The following CACNB2 variants were observed in gnomAD, a reference collection of about 807,000 sequenced individuals.
The protein encoded by CACNB2 is calcium voltage-gated channel auxiliary subunit beta 2.
A neutral mutation model predicts 73.3 loss-of-function variants in CACNB2; 42 were observed. That is an observed-to-expected ratio of 0.57 (90% CI 0.45 to 0.74). The LOEUF is 0.74. Ranked by LOEUF, CACNB2 falls within the 30% of genes least tolerant of loss-of-function variation. The probability of loss-of-function intolerance (pLI) is 0.00; values close to 1 mark genes in which losing one functional copy is unlikely to be tolerated. For missense variants in CACNB2, 940 were observed against 853.0 expected, an observed-to-expected ratio of 1.10 and a Z score of -1.27; for synonymous variants, 348 against 310.3, an observed-to-expected ratio of 1.12 and a Z score of -1.28.
At chr10:18,471,507 A>G (rs1432557796) in intron 3 of CACNB2, among the ~76,000 whole-genome samples, 1 of 152,198 alleles carries the variant, frequency 6.6e-6, no homozygotes, top group Non-Finnish European at 1.5e-5. Flanking sequence ...ATAGGAAGCT[A>G]TTATCCTGCA....
At chr10:18,468,966 A>G (rs182450525) in intron 3 of CACNB2, among the ~76,000 whole-genome samples, 217 of 152,348 alleles carry the variant, frequency 1.4e-3, no homozygotes, top group African/African-American at 5.0e-3. Context: ...AAATGTTTGC[A>G]GATAACTGGC....
At chr10:18,276,258 G>C (rs774272867) in intron 2 of CACNB2, among the ~76,000 whole-genome samples, 2 of 152,160 alleles carry the variant, frequency 1.3e-5, no homozygotes, top group Non-Finnish European at 2.9e-5. Context: ...TGGATGATCA[G>C]GCCAATCTTA....
chr10:18,400,824 G>T, intron 2 of CACNB2: 1 of 1,447,096 alleles, frequency 6.9e-7, no homozygotes, highest in Non-Finnish European at 9.0e-7. Flanking sequence ...TGTGTTTTCA[G>T]CCCCTCCTGG....
At chr10:18,419,056 T>C (rs1437587381) in intron 3 of CACNB2, among the ~76,000 whole-genome samples, 1 of 152,220 alleles carries the variant, frequency 6.6e-6, no homozygotes, top group Non-Finnish European at 1.5e-5. Flanking sequence ...ATGAGGCAAC[T>C]CAGTGACACT....
At chr10:18,409,757 C>A (rs919855540) in intron 3 of CACNB2, among the ~76,000 whole-genome samples, 2 of 152,078 alleles carry the variant, frequency 1.3e-5, no homozygotes, top group African/African-American at 4.8e-5. Flanking sequence ...GGCCAATGCC[C>A]CAGAGAGGAC....
Position 18,514,859 on chromosome 10 carries a change from G to A in CACNB2, c.804+490G>A, listed in dbSNP as rs570047550. 86 of 753,672 alleles carry A rather than the reference G, an allele frequency of 1.1e-4. No homozygotes were observed. The South Asian group carries it at 1.3e-3, about 11-fold the overall frequency. The allele number at this position is 753,672 out of a possible 1,614,324, so 46.7% of individuals were successfully genotyped here. A position where few individuals can be genotyped will look rare whatever the true frequency, so the allele number is the denominator to read the frequency against. ...TCTTTTATCCAGAAATTTAACTTATGATCAAACATATTAAAGCAGTTATTA... is the reference window on the plus strand; with the variant it reads ...TCTTTTATCCAGAAATTTAACTTATAATCAAACATATTAAAGCAGTTATTA... On this transcript the variant is annotated intron_variant, in intron 7 of 13. Transcript: ENST00000324631.
intron 2 of CACNB2, among the ~76,000 whole-genome samples, chr10:18,235,569 C>T (rs980967258): frequency 1.3e-5 from 2 of 152,140 alleles, no homozygotes; most frequent in Non-Finnish European, 2.9e-5. Flanking sequence ...CAGAAGGGGT[C>T]TGTTTGGTTA....
chr10:18,316,281 T>A (rs2040179777), intron 2 of CACNB2, among the ~76,000 whole-genome samples: 1 of 152,142 alleles, frequency 6.6e-6, no homozygotes, highest in Non-Finnish European at 1.5e-5. Context: ...AGTTCTAGTA[T>A]CTAAAACAGG....
chr10:18,411,131 A>T (rs533921503), intron 3 of CACNB2, among the ~76,000 whole-genome samples: 30 of 152,218 alleles, frequency 2.0e-4, no homozygotes, highest in African/African-American at 7.2e-4. Flanking sequence ...AAAATTGTCA[A>T]CTCTTTGCTT....
intron 2 of CACNB2, among the ~76,000 whole-genome samples, chr10:18,163,535 G>C (rs2032626017): frequency 1.3e-5 from 2 of 152,078 alleles, no homozygotes; most frequent in South Asian, 4.2e-4. Flanking sequence ...CCTTGGAAGA[G>C]GGTTGCATCC....
At chr10:18,277,484 C>A (rs2038349251) in intron 2 of CACNB2, among the ~76,000 whole-genome samples, 1 of 152,186 alleles carries the variant, frequency 6.6e-6, no homozygotes, top group South Asian at 2.1e-4. Context: ...CACTCTAATA[C>A]AACGAGGAAA....
intron 3 of CACNB2, among the ~76,000 whole-genome samples, chr10:18,476,012 C>T (rs2048421982): frequency 6.6e-6 from 1 of 152,166 alleles, no homozygotes; most frequent in Non-Finnish European, 1.5e-5. Context: ...AATGGCTACT[C>T]CATAGGCAGA....
chr10:18,491,286 C>A (rs1023148308), intron 3 of CACNB2, among the ~76,000 whole-genome samples: 83 of 152,292 alleles, frequency 5.5e-4, no homozygotes, highest in African/African-American at 1.5e-3. Context: ...GCTGGAAAAC[C>A]ATAAAAATCT....
intron 3 of CACNB2, among the ~76,000 whole-genome samples, chr10:18,428,649 G>A (rs1394811399): frequency 1.3e-5 from 2 of 148,904 alleles, no homozygotes. Flanking sequence ...TCACACCACT[G>A]CACTTCAGCT....
intron 3 of CACNB2, among the ~76,000 whole-genome samples, chr10:18,454,177 T>A (rs943614485): frequency 6.6e-6 from 1 of 152,208 alleles, no homozygotes; most frequent in Non-Finnish European, 1.5e-5. Context: ...GGAGAAGGGT[T>A]CTGTCCCTTA....
chr10:18,503,541 AGCCGAGATCATGTTCCAACTTG>A (rs1246283832), intron 5 of CACNB2, among the ~76,000 whole-genome samples: 4 of 152,214 alleles, frequency 2.6e-5, no homozygotes, highest in Non-Finnish European at 5.9e-5. Flanking sequence ...GGTTGCAGTG[AGCCGAGATCATGTTCCAACTTG>A]GGCGTCAGTG....
At chr10:18,253,095 C>A (rs2037151755) in intron 2 of CACNB2, among the ~76,000 whole-genome samples, 1 of 152,188 alleles carries the variant, frequency 6.6e-6, no homozygotes, top group African/African-American at 2.4e-5. Flanking sequence ...GTGCCTCAAT[C>A]ACTTCGTATA....
chr10:18,474,908 C>A (rs1276710373), intron 3 of CACNB2, among the ~76,000 whole-genome samples: 1 of 151,770 alleles, frequency 6.6e-6, no homozygotes. Flanking sequence ...AGACTGTCCC[C>A]ACTTCAGATG....
At position 18,197,016 on chromosome 10, in the gene CACNB2, CCTTTTCTCTT is replaced by C. The variant is rs201972381; in HGVS notation, c.213+46045_213+46054del. 6.6e-3 allele frequency among the ~76,000 whole-genome samples: 1,000 copies of C among 152,160 alleles called. 10 individuals carry two copies. The highest frequency in any genetic ancestry group is 0.023 in the African/African-American group (942 of 41,496). On this transcript the variant is annotated intron_variant, in intron 2 of 13. Coordinates refer to ENST00000324631, the MANE Select transcript of CACNB2 (RefSeq NM_201596.3). ...CTCTCCTCCCCCTCTTCTCTTCTCTCCTTTTCTCTTCTTCTCTCTGCCTCTCATTCTCTCT... is the reference window on the plus strand; with the variant it reads ...CTCTCCTCCCCCTCTTCTCTTCTCTCCTTCTCTCTGCCTCTCATTCTCTCT...
Sources: gnomAD v4.1 joint callset for allele counts (sites outside exome capture counted in the v4.1 genomes callset) on GRCh38, gnomAD v4.1.1 for gene constraint, MANE v1.5 for transcripts, NCBI Gene and HGNC (gene_info 2026-07-23, HGNC 2026-07-21) for gene names.